The following TPM1 variants were observed in gnomAD, a reference collection of about 807,000 sequenced individuals.
TPM1 encodes the protein tropomyosin 1, also known as tropomyosin alpha-1 chain.
Under a neutral mutation model 42.9 loss-of-function variants are expected in TPM1, and 24 were observed. The observed-to-expected ratio is 0.56, with a 90% CI of 0.41 to 0.79. The LOEUF (loss-of-function observed/expected upper bound fraction) is 0.79, where lower values mean the gene tolerates loss of function less well. Among genes scored for constraint, TPM1 ranks in the 30% least tolerant of loss-of-function variants. The pLI, the probability that TPM1 is intolerant of heterozygous loss-of-function variation, is 0.00. For synonymous variants in TPM1, 136 were observed against 130.1 expected (o/e 1.05, Z -0.31); for missense variants, 158 against 351.8 (o/e 0.45, Z 4.41).
chr15:63,049,884 C>CT (rs1478028707), intron 2 of TPM1, among the ~76,000 whole-genome samples: 1 of 152,220 alleles, frequency 6.6e-6, no homozygotes, highest in Non-Finnish European at 1.5e-5. Flanking sequence ...GGGTGGTAAA[C>CT]TAATTCCGAC....
At chr15:63,045,130 A>G (rs1202725095) in intron 2 of TPM1, 1 of 152,150 alleles carries the variant, frequency 6.6e-6, no homozygotes, top group African/African-American at 2.4e-5. Flanking sequence ...CACCAGGGAA[A>G]GCTATGCCAG....
chr15:63,049,108 G>T (rs970179074), intron 2 of TPM1: 7 of 237,890 alleles, frequency 2.9e-5, no homozygotes, highest in Non-Finnish European at 2.5e-5. Context: ...TTGGAGATCC[G>T]TACTTTGAGA....
chr15:63,066,665 T>C (rs1051103640), downstream of TPM1, among the ~76,000 whole-genome samples: 2 of 152,250 alleles, frequency 1.3e-5, no homozygotes, highest in Non-Finnish European at 2.9e-5. Context: ...CATCCTTTTA[T>C]AGCACAAAGA....
chr15:63,056,552 AACTAC>A, intron 2 of TPM1: 1 of 178,952 alleles, frequency 5.6e-6, no homozygotes, highest in Non-Finnish European at 1.1e-5. Context: ...CTGTAGTCCC[AACTAC>A]TCGGGAGGCT....
chr15:63,065,341 T>A (rs2141006056), intron 9 of TPM1: 1 of 990,342 alleles, frequency 1.0e-6, no homozygotes, highest in African/African-American at 1.7e-5. Flanking sequence ...GCTGGAAATG[T>A]CATTTTCCAA....
rs771867998 is a variant in TPM1, at chr15:63,043,720, C to T, written c.115-307C>T. ...GCTGCCCCCAGCTCGAGGAGGACAT[C>T]GCGGCCAAGGAGAAGTTGCTGCGGG... On this transcript the variant is annotated intron_variant, in intron 1 of 9. Transcript: ENST00000403994. 2.6e-5 allele frequency: 41 copies of T among 1,547,536 alleles called. 1 individual carries two copies. The highest frequency in any genetic ancestry group is 4.1e-5 in the African/African-American group (3 of 72,990).
Position 63,065,975 on chromosome 15 carries a change from ATTCT to A in TPM1, c.*77_*80del. The A allele has an allele frequency of 6.3e-7, 1 of 1,585,438 alleles. No individual in the cohort carries two copies. The highest frequency in any genetic ancestry group is 8.6e-7 in the Non-Finnish European group (1 of 1,165,584). On this transcript the variant is annotated 3_prime_UTR_variant, in exon 10 of 10. Coordinates refer to ENST00000403994, the MANE Select transcript of TPM1 (RefSeq NM_001018005.2). ...ACCTCTCTGAGCTCTGCATTTGTCT[ATTCT>A]CCAGCTGACCCTGGTTCTCTCTCTT...
downstream of TPM1, chr15:63,066,278 C>A: frequency 4.5e-6 from 4 of 895,122 alleles, no homozygotes; most frequent in South Asian, 2.9e-5. Flanking sequence ...TGTTGAACTT[C>A]AAAAAAATAC....
intron 6 of TPM1, 28 bp downstream of exon 6, chr15:63,061,816 A>G: frequency 6.2e-7 from 1 of 1,608,570 alleles, no homozygotes; most frequent in Non-Finnish European, 8.5e-7. Context: ...TGTGGGGGAA[A>G]GGCATCTTTT....
At chr15:63,048,725 C>T in intron 2 of TPM1, 3 of 1,532,718 alleles carry the variant, frequency 2.0e-6, no homozygotes, top group Non-Finnish European at 1.8e-6. Context: ...ATACACCCAT[C>T]ACCCCGCAGC....
chr15:63,044,395 TG>T (rs2031949205), intron 2 of TPM1: 6 of 648,170 alleles, frequency 9.3e-6, no homozygotes, highest in Non-Finnish European at 1.3e-5. Context: ...GGTGGGTGGA[TG>T]AGAGGCTGGG....
At chr15:63,048,182 G>A in intron 2 of TPM1, 1 of 456,034 alleles carries the variant, frequency 2.2e-6, no homozygotes, top group Non-Finnish European at 4.4e-6. Context: ...GTTACCCCGG[G>A]TCACCACCGC....
At chr15:63,055,396 T>G (rs544052888) in intron 2 of TPM1, among the ~76,000 whole-genome samples, 42 of 152,362 alleles carry the variant, frequency 2.8e-4, no homozygotes, top group Non-Finnish European at 2.5e-4. Context: ...CTTACAAATC[T>G]AGGTGAGCAA....
chr15:63,067,308 A>G (rs1279569082), downstream of TPM1, among the ~76,000 whole-genome samples: 1 of 152,226 alleles, frequency 6.6e-6, no homozygotes, highest in South Asian at 2.1e-4. Context: ...AGTATGGTGG[A>G]ATTTTAGAAT....
downstream of TPM1, chr15:63,070,330 ATATT>A (rs1226922911): frequency 1.2e-5 from 8 of 675,622 alleles, 2 homozygotes; most frequent in African/African-American, 4.3e-5. Flanking sequence ...GTGTGTGTAT[ATATT>A]CCTATCAGAT....
chr15:63,069,913 T>C, downstream of TPM1: 3 of 1,614,152 alleles, frequency 1.9e-6, no homozygotes, highest in Non-Finnish European at 2.5e-6. Context: ...GCCTCACTAA[T>C]GAACTAAAGC....
At position 63,048,991 on chromosome 15, in the gene TPM1, G is replaced by A; in HGVS notation, c.240+4839G>A. 4 of 439,598 alleles carry A rather than the reference G, an allele frequency of 9.1e-6. 1 individual carries two copies. The highest frequency in any genetic ancestry group is 9.0e-5 in the South Asian group (4 of 44,604). The allele number at this position is 439,598 out of a possible 1,614,324, so 27.2% of individuals were successfully genotyped here. A position where few individuals can be genotyped will look rare whatever the true frequency, so the allele number is the denominator to read the frequency against. On this transcript the variant is annotated intron_variant, in intron 2 of 9. Coordinates refer to ENST00000403994, the MANE Select transcript of TPM1 (RefSeq NM_001018005.2). ...AGGAGCATTTTCCCAGGAAGGGTCT[G>A]TTTCTGGGGTGGTGGCTTTCAGTCG...
chr15:63,069,513 C>G (rs1440383634), downstream of TPM1, among the ~76,000 whole-genome samples: 3 of 152,198 alleles, frequency 2.0e-5, no homozygotes, highest in Non-Finnish European at 4.4e-5. Context: ...CCAGCCAGGC[C>G]TGCATTCCCA....
At chr15:63,057,367 GA>G (rs1197853296) in intron 3 of TPM1, among the ~76,000 whole-genome samples, 2 of 152,196 alleles carry the variant, frequency 1.3e-5, no homozygotes, top group Non-Finnish European at 2.9e-5. Context: ...TGCCCTTACA[GA>G]ACTCACCATC....
Sources: gnomAD v4.1 joint callset for allele counts (sites outside exome capture counted in the v4.1 genomes callset) on GRCh38, gnomAD v4.1.1 for gene constraint, MANE v1.5 for transcripts, NCBI Gene and HGNC (gene_info 2026-07-23, HGNC 2026-07-21) for gene names.